The following WWOX variants were observed in gnomAD, a reference collection of about 807,000 sequenced individuals.
WWOX encodes WW domain-containing oxidoreductase.
WWOX carries 69 observed loss-of-function variants against 46.2 expected under a neutral mutation model. The ratio of observed to expected loss-of-function variants is 1.49; its 90% confidence interval spans 1.23 to 1.82. The LOEUF is 1.82. Ranked by LOEUF, WWOX falls within the 40% of genes most tolerant of loss-of-function variation. The probability of loss-of-function intolerance (pLI) is 0.00; values close to 1 mark genes in which losing one functional copy is unlikely to be tolerated. For missense variants in WWOX, 919 were observed against 542.6 expected (o/e 1.69, Z -6.89); for synonymous variants, 359 against 202.6 (o/e 1.77, Z -6.56).
rs1012096224 is a variant in WWOX at position 78,805,754 on chromosome 16, G to T, written c.1056+373002G>T. Among the ~76,000 whole-genome samples, 5 of 152,072 alleles carry T rather than the reference G, an allele frequency of 3.3e-5. No individual in the cohort carries two copies. The East Asian group carries it at 9.6e-4, about 29-fold the overall frequency. On this transcript the variant is annotated intron_variant, in intron 8 of 8. Transcript: ENST00000566780. ...GCCAACTTCCTTTAACTCTTTATAC[G>T]GCTATATCTCCATAGATATCCAGTT...
At chr16:78,194,740 A>T (rs2035994629) in intron 5 of WWOX, among the ~76,000 whole-genome samples, 1 of 151,954 alleles carries the variant, frequency 6.6e-6, no homozygotes, top group South Asian at 2.1e-4. Flanking sequence ...CCCTACCCTT[A>T]ACTCTTCTAC....
chr16:78,228,838 C>G (rs2037155206), intron 5 of WWOX, among the ~76,000 whole-genome samples: 2 of 152,190 alleles, frequency 1.3e-5, no homozygotes, highest in Non-Finnish European at 2.9e-5. Flanking sequence ...TGGAAATACT[C>G]TACCTGGGTG....
At chr16:78,540,431 T>G (rs1352007836) in intron 8 of WWOX, among the ~76,000 whole-genome samples, 2 of 152,174 alleles carry the variant, frequency 1.3e-5, no homozygotes, top group Non-Finnish European at 2.9e-5. Flanking sequence ...TGATTGCAAA[T>G]ATACTTGTCT....
chr16:78,661,774 C>T lies in WWOX; in HGVS notation c.1056+229022C>T, dbSNP rs534487627. 8.6e-4 allele frequency among the ~76,000 whole-genome samples: 131 copies of T among 152,298 alleles called. 1 individual carries two copies. Among genetic ancestry groups the T allele is most frequent in the Middle Eastern group, 3.4e-3 (1 of 294 alleles). ...TTAATAGACTGGGTACAATGGCTGA[C>T]GCCCGTAATCCCAGTGCTTTGAGAG... On this transcript the variant is annotated intron_variant, in intron 8 of 8. Transcript: ENST00000566780.
Position 78,544,266 on chromosome 16 carries a change from C to G in WWOX, c.1056+111514C>G, listed in dbSNP as rs140813091. On this transcript the variant is annotated intron_variant, in intron 8 of 8. Transcript: ENST00000566780. Reference sequence around the variant, plus strand: ...ATTGTAAAACAGTAGATGTCTTTCACCAAGCGCTAACATTATATTAATTAT... The same window carrying G: ...ATTGTAAAACAGTAGATGTCTTTCAGCAAGCGCTAACATTATATTAATTAT... 2.2e-3 allele frequency among the ~76,000 whole-genome samples: 332 copies of G among 152,278 alleles called. 3 individuals are homozygous for G. The highest frequency in any genetic ancestry group is 1.2e-3 in the East Asian group (6 of 5,184).
intron 5 of WWOX, among the ~76,000 whole-genome samples, chr16:78,191,771 G>A (rs1373838616): frequency 6.6e-5 from 10 of 152,156 alleles, no homozygotes; most frequent in Non-Finnish European, 1.2e-4. Flanking sequence ...AGTGGGAGGC[G>A]CTGCTGTGTG....
At chr16:78,246,912 C>T (rs1033377582) in intron 5 of WWOX, among the ~76,000 whole-genome samples, 3 of 151,982 alleles carry the variant, frequency 2.0e-5, no homozygotes, top group Non-Finnish European at 2.9e-5. Flanking sequence ...GAGTGATTTT[C>T]GGAGCCACAA....
At chr16:78,864,426 C>T (rs765883706) in intron 8 of WWOX, among the ~76,000 whole-genome samples, 1 of 152,124 alleles carries the variant, frequency 6.6e-6, no homozygotes, top group East Asian at 1.9e-4. Context: ...TGCCACCACA[C>T]CCAGCTAAGT....
intron 8 of WWOX, among the ~76,000 whole-genome samples, chr16:78,571,318 G>A (rs1308376837): frequency 6.6e-6 from 1 of 151,954 alleles, no homozygotes. Flanking sequence ...AGTACACTTG[G>A]GAGCCAAAAT....
chr16:78,354,478 G>C (rs1452809575), intron 5 of WWOX, among the ~76,000 whole-genome samples: 2 of 152,120 alleles, frequency 1.3e-5, no homozygotes, highest in East Asian at 1.9e-4. Context: ...GCTGGTTTTT[G>C]ATGATGTATT....
intron 4 of WWOX, among the ~76,000 whole-genome samples, chr16:78,125,470 AGCCTCGC>A (rs2033321558): frequency 6.6e-6 from 1 of 152,188 alleles, no homozygotes; most frequent in Admixed American, 6.5e-5. Flanking sequence ...AAACCCGTGA[AGCCTCGC>A]TCTGTGCCCG....
intron 8 of WWOX, among the ~76,000 whole-genome samples, chr16:78,483,196 T>G (rs575464615): frequency 6.6e-6 from 1 of 152,180 alleles, no homozygotes; most frequent in Non-Finnish European, 1.5e-5. Context: ...AAGATACTTT[T>G]ACCTTTTTGA....
intron 8 of WWOX, among the ~76,000 whole-genome samples, chr16:78,915,154 A>G (rs1428762307): frequency 6.6e-6 from 1 of 152,084 alleles, no homozygotes; most frequent in African/African-American, 2.4e-5. Flanking sequence ...ATTACTCTCC[A>G]GTTTTCTTCA....
intron 5 of WWOX, among the ~76,000 whole-genome samples, chr16:78,184,043 G>A (rs895871276): frequency 2.0e-5 from 3 of 152,170 alleles, no homozygotes; most frequent in African/African-American, 4.8e-5. Flanking sequence ...AACCTCCCCC[G>A]TTGCTCTCTG....
chr16:78,135,185 C>T (rs569492901), intron 4 of WWOX, among the ~76,000 whole-genome samples: 2 of 152,334 alleles, frequency 1.3e-5, no homozygotes, highest in South Asian at 4.1e-4. Flanking sequence ...AACTCACCCA[C>T]GTGCAACAAC....
chr16:78,355,228 C>G (rs2081260215), intron 5 of WWOX, among the ~76,000 whole-genome samples: 1 of 142,046 alleles, frequency 7.0e-6, no homozygotes. Context: ...TCTCTGAAGT[C>G]ATTGCTCCTG....
chr16:78,490,262 G>T (rs1597156860), intron 8 of WWOX, among the ~76,000 whole-genome samples: 1 of 114,862 alleles, frequency 8.7e-6, no homozygotes, highest in Admixed American at 8.6e-5. Flanking sequence ...AAGCACCAAC[G>T]GAAGCCTTTT....
chr16:78,934,840 C>T (rs1488849393), intron 8 of WWOX, among the ~76,000 whole-genome samples: 1 of 152,168 alleles, frequency 6.6e-6, no homozygotes, highest in Non-Finnish European at 1.5e-5. Flanking sequence ...TGGCTCGCAT[C>T]TATAATCGCA....
chr16:78,989,268 TA>T (rs148096602), intron 8 of WWOX, among the ~76,000 whole-genome samples: 1,558 of 152,286 alleles, frequency 0.01, 31 homozygotes, highest in African/African-American at 0.036. Context: ...CTAATTCAAT[TA>T]GAAGGCCTTC....
Sources: allele counts gnomAD v4.1 joint callset (sites outside exome capture counted in the v4.1 genomes callset), GRCh38; gene constraint gnomAD v4.1.1; transcripts MANE v1.5; gene names NCBI Gene and HGNC (gene_info 2026-07-23, HGNC 2026-07-21).